Variants in C12orf56 observed in about 807,000 individuals in gnomAD.
The protein encoded by C12orf56 is uncharacterized protein C12orf56.
Under a neutral mutation model 69.9 loss-of-function variants are expected in C12orf56, and 71 were observed. The observed-to-expected ratio is 1.02, with a 90% CI of 0.84 to 1.24. The LOEUF is 1.24. Ranked by LOEUF, C12orf56 falls within the 50% of genes most tolerant of loss-of-function variation. The probability of loss-of-function intolerance (pLI) is 0.00; values close to 1 mark genes in which losing one functional copy is unlikely to be tolerated. For missense variants in C12orf56, 732 were observed against 738.5 expected, an observed-to-expected ratio of 0.99 and a Z score of 0.10; for synonymous variants, 276 against 274.1, an observed-to-expected ratio of 1.01 and a Z score of -0.07.
At chr12:64,364,002 T>C (rs1322818322) in intron 1 of C12orf56, among the ~76,000 whole-genome samples, 1 of 151,718 alleles carries the variant, frequency 6.6e-6, no homozygotes, top group African/African-American at 2.4e-5. Context: ...GTTTTTTCTT[T>C]CTTTTTTTTT....
At chr12:64,308,967 G>GAAAGAAAGAA (rs1565749107) in intron 5 of C12orf56, among the ~76,000 whole-genome samples, 1 of 117,296 alleles carries the variant, frequency 8.5e-6, no homozygotes, top group African/African-American at 3.2e-5. Flanking sequence ...AAGAAAGAAA[G>GAAAGAAAGAA]AAAGAAAAGA....
At chr12:64,361,310 C>T (rs1304353464) in intron 1 of C12orf56, among the ~76,000 whole-genome samples, 1 of 152,118 alleles carries the variant, frequency 6.6e-6, no homozygotes, top group Non-Finnish European at 1.5e-5. Flanking sequence ...GTAATTGAAC[C>T]AGAGCAACTC....
chr12:64,279,618 C>A (rs1173998312), intron 8 of C12orf56, among the ~76,000 whole-genome samples: 1 of 152,128 alleles, frequency 6.6e-6, no homozygotes, highest in Non-Finnish European at 1.5e-5. Flanking sequence ...TAAATCATCA[C>A]CATGATTAGA....
At chr12:64,271,558 C>G (rs1006823261) in intron 11 of C12orf56, among the ~76,000 whole-genome samples, 5 of 152,166 alleles carry the variant, frequency 3.3e-5, no homozygotes, top group African/African-American at 4.8e-5. Flanking sequence ...ACACTACACA[C>G]CCATTGAATT....
chr12:64,360,311 G>GCTA (rs1340160204), intron 1 of C12orf56, among the ~76,000 whole-genome samples: 1 of 151,908 alleles, frequency 6.6e-6, no homozygotes, highest in Middle Eastern at 3.2e-3. Flanking sequence ...TGTAATCCCA[G>GCTA]CTACTCGGGA....
intron 1 of C12orf56, among the ~76,000 whole-genome samples, chr12:64,357,397 AT>A (rs2039332147): frequency 6.7e-6 from 1 of 149,498 alleles, no homozygotes; most frequent in Non-Finnish European, 1.5e-5. Flanking sequence ...AGCAATCATA[AT>A]TTTTTCTTTT....
chr12:64,275,072 C>G (rs540316968), intron 10 of C12orf56, 97 bp from the exon 11 acceptor site: 1 of 1,183,952 alleles, frequency 8.4e-7, no homozygotes, highest in Non-Finnish European at 1.2e-6. Context: ...CCTGATTAAT[C>G]GAATCCTTAA....
intron 11 of C12orf56, among the ~76,000 whole-genome samples, 183 bp from the exon 12 acceptor site, chr12:64,270,897 G>A (rs916861864): frequency 1.2e-4 from 18 of 152,206 alleles, no homozygotes; most frequent in African/African-American, 4.3e-4. Context: ...GCTGGGCATG[G>A]TGGCTCACGC....
intron 3 of C12orf56, among the ~76,000 whole-genome samples, chr12:64,321,740 C>A (rs2136844399): frequency 6.6e-6 from 1 of 152,202 alleles, no homozygotes; most frequent in East Asian, 1.9e-4. Context: ...TAGAGCAGAC[C>A]TCTAAAGTCT....
chr12:64,384,852 G>C (rs773994227), intron 1 of C12orf56, among the ~76,000 whole-genome samples: 1 of 152,060 alleles, frequency 6.6e-6, no homozygotes, highest in Admixed American at 6.6e-5. Context: ...TTAGGATTTC[G>C]AGACTGGCCT....
At chr12:64,348,856 A>G (rs1333813499) in intron 2 of C12orf56, among the ~76,000 whole-genome samples, 1 of 152,228 alleles carries the variant, frequency 6.6e-6, no homozygotes, top group Admixed American at 6.5e-5. Context: ...TCTCAAATTC[A>G]GGTTTCTGAT....
At chr12:64,376,734 A>G (rs1001298157) in intron 1 of C12orf56, among the ~76,000 whole-genome samples, 5 of 151,380 alleles carry the variant, frequency 3.3e-5, no homozygotes, top group Non-Finnish European at 7.4e-5. Flanking sequence ...TTCCTGCATT[A>G]ATTTGCTGAG....
chr12:64,369,216 T>C (rs1027469762), intron 1 of C12orf56, among the ~76,000 whole-genome samples: 2 of 152,094 alleles, frequency 1.3e-5, no homozygotes, highest in South Asian at 2.1e-4. Context: ...TCTTTTTTTT[T>C]AGACGGAGTT....
chr12:64,311,305 C>T (rs1045232550), intron 5 of C12orf56, among the ~76,000 whole-genome samples: 10 of 151,390 alleles, frequency 6.6e-5, no homozygotes, highest in African/African-American at 2.2e-4. Context: ...CATGGCTACT[C>T]GGGAGGCTGA....
chr12:64,277,882 G>C (rs534993082), intron 8 of C12orf56, 79 bp from the exon 9 acceptor site: 2 of 1,152,434 alleles, frequency 1.7e-6, no homozygotes, highest in Non-Finnish European at 2.3e-6. Context: ...TCAAACACTG[G>C]ATATAATTAT....
chr12:64,336,263 GC>G (rs1268631396), intron 2 of C12orf56, among the ~76,000 whole-genome samples: 3 of 152,112 alleles, frequency 2.0e-5, no homozygotes, highest in African/African-American at 7.2e-5. Flanking sequence ...AAGCCTCCAC[GC>G]CCAAGTGTCA....
intron 6 of C12orf56, 22 bp from the exon 7 acceptor site, chr12:64,286,082 A>C: frequency 7.0e-7 from 1 of 1,437,954 alleles, no homozygotes; most frequent in Non-Finnish European, 9.6e-7. Flanking sequence ...AGTTGGAAAA[A>C]AAGACAGTAA....
intron 7 of C12orf56, 112 bp downstream of exon 7, chr12:64,285,842 C>A (rs2038193230): frequency 2.1e-6 from 1 of 481,962 alleles, no homozygotes; most frequent in Non-Finnish European, 3.6e-6. Context: ...GGAAGAAAAA[C>A]TTGCAGTGCC....
chr12:64,278,487 T>G (rs1206273503), intron 8 of C12orf56, among the ~76,000 whole-genome samples: 1 of 152,176 alleles, frequency 6.6e-6, no homozygotes, highest in Non-Finnish European at 1.5e-5. Flanking sequence ...AAATTGTATA[T>G]ATTTATGGTA....
Sources: allele counts gnomAD v4.1 joint callset (sites outside exome capture counted in the v4.1 genomes callset), GRCh38; gene constraint gnomAD v4.1.1; transcripts MANE v1.5; gene names NCBI Gene and HGNC (gene_info 2026-07-23, HGNC 2026-07-21).